SCHIP1: variants seen among roughly 807,000 people sequenced by gnomAD.
The protein encoded by SCHIP1 is schwannomin-interacting protein 1.
SCHIP1 carries 8 observed loss-of-function variants against 29.7 expected under a neutral mutation model. That is an observed-to-expected ratio of 0.27 (90% CI 0.16 to 0.49). The LOEUF is 0.49. Among genes scored for constraint, SCHIP1 ranks in the 20% least tolerant of loss-of-function variants. The probability of loss-of-function intolerance (pLI) is 0.99; values close to 1 mark genes in which losing one functional copy is unlikely to be tolerated. For synonymous variants in SCHIP1, 76 were observed against 94.9 expected, an observed-to-expected ratio of 0.80 and a Z score of 1.16; for missense variants, 193 against 294.6, an observed-to-expected ratio of 0.66 and a Z score of 2.52.
the SCHIP1 span, among the ~76,000 whole-genome samples, chr3:159,289,855 G>A: frequency 6.6e-6 from 1 of 152,190 alleles, no homozygotes; most frequent in African/African-American, 2.4e-5. Flanking sequence ...ACATTTCAAC[G>A]TTCTTACAAG....
chr3:159,524,798 C>T, the SCHIP1 span, among the ~76,000 whole-genome samples: 1 of 152,214 alleles, frequency 6.6e-6, no homozygotes, highest in Non-Finnish European at 1.5e-5. Flanking sequence ...GCTCAGTAAG[C>T]TCATTAGCCA....
chr3:159,467,026 T>C, the SCHIP1 span, among the ~76,000 whole-genome samples: 4 of 152,144 alleles, frequency 2.6e-5, no homozygotes, highest in Non-Finnish European at 5.9e-5. Context: ...AAATATCACT[T>C]TCCTGTTAAT....
the SCHIP1 span, among the ~76,000 whole-genome samples, chr3:159,681,309 A>G: frequency 6.6e-6 from 1 of 152,044 alleles, no homozygotes; most frequent in Non-Finnish European, 1.5e-5. Flanking sequence ...AAAAAGACTA[A>G]TGAAAAAGAA....
chr3:159,674,407 T>C, the SCHIP1 span, among the ~76,000 whole-genome samples: 7 of 151,988 alleles, frequency 4.6e-5, no homozygotes, highest in African/African-American at 1.2e-4. Flanking sequence ...GGACAGCCCA[T>C]GCAGAGTGCC....
the SCHIP1 span, among the ~76,000 whole-genome samples, chr3:159,395,531 G>A: frequency 5.3e-4 from 80 of 151,562 alleles, 1 homozygote; most frequent in Admixed American, 1.9e-3. Flanking sequence ...CTTTGTTCTC[G>A]TTGGTTTCAA....
the SCHIP1 span, among the ~76,000 whole-genome samples, chr3:159,639,994 A>G: frequency 6.6e-6 from 1 of 152,220 alleles, no homozygotes; most frequent in Non-Finnish European, 1.5e-5. Flanking sequence ...CTTAAAGATT[A>G]TGATTTGTAT....
chr3:159,352,770 CTTT>C, the SCHIP1 span, among the ~76,000 whole-genome samples: 49 of 147,986 alleles, frequency 3.3e-4, no homozygotes, highest in African/African-American at 1.1e-3. Context: ...ATTTTAATAG[CTTT>C]TTTTTTTTTA....
At chr3:159,433,748 T>C in the SCHIP1 span, among the ~76,000 whole-genome samples, 3 of 152,166 alleles carry the variant, frequency 2.0e-5, no homozygotes, top group Admixed American at 6.6e-5. Flanking sequence ...AGATAATATA[T>C]GTAAGTCACA....
chr3:159,851,027 A>G (rs750100313), intron 1 of SCHIP1, among the ~76,000 whole-genome samples: 8 of 152,202 alleles, frequency 5.3e-5, no homozygotes, highest in Non-Finnish European at 1.0e-4. Flanking sequence ...TAATCTCAGT[A>G]CTTTTGGAGG....
the SCHIP1 span, among the ~76,000 whole-genome samples, chr3:159,659,946 T>C: frequency 6.6e-6 from 1 of 152,018 alleles, no homozygotes; most frequent in Non-Finnish European, 1.5e-5. Context: ...CTCCTTGCAT[T>C]TGGAGGGTTA....
the SCHIP1 span, among the ~76,000 whole-genome samples, chr3:159,595,536 C>A: frequency 6.6e-6 from 1 of 152,102 alleles, no homozygotes; most frequent in Non-Finnish European, 1.5e-5. Context: ...GCCATGCAAA[C>A]CTTGATCCCA....
At chr3:159,758,776 G>C in the SCHIP1 span, among the ~76,000 whole-genome samples, 1 of 152,178 alleles carries the variant, frequency 6.6e-6, no homozygotes, top group Non-Finnish European at 1.5e-5. Context: ...CTGTTGTATA[G>C]TTCACAATCC....
At chr3:159,742,186 A>G in the SCHIP1 span, among the ~76,000 whole-genome samples, 2 of 152,180 alleles carry the variant, frequency 1.3e-5, no homozygotes, top group African/African-American at 2.4e-5. Flanking sequence ...AGATTGTGCC[A>G]CTGCACTCCA....
At chr3:159,631,833 A>G in the SCHIP1 span, among the ~76,000 whole-genome samples, 2 of 152,196 alleles carry the variant, frequency 1.3e-5, no homozygotes, top group Non-Finnish European at 2.9e-5. Context: ...ATATTTTACC[A>G]CAAAAAAATT....
chr3:159,763,798 C>T, the SCHIP1 span: 10 of 152,250 alleles, frequency 6.6e-5, no homozygotes, highest in Non-Finnish European at 1.2e-4. Context: ...GAGCGCCCCC[C>T]ACCCCGAGCC....
At chr3:159,810,657 G>C in the SCHIP1 span, among the ~76,000 whole-genome samples, 1 of 152,158 alleles carries the variant, frequency 6.6e-6, no homozygotes, top group Non-Finnish European at 1.5e-5. Flanking sequence ...CCTTCTTGTT[G>C]CTGAATAATA....
At chr3:159,392,775 G>A in the SCHIP1 span, among the ~76,000 whole-genome samples, 39 of 152,156 alleles carry the variant, frequency 2.6e-4, 1 homozygote, top group Admixed American at 1.2e-3. Flanking sequence ...ATAAACATAC[G>A]TGTGCATGTG....
chr3:159,575,249 C>T, the SCHIP1 span, among the ~76,000 whole-genome samples: 2 of 152,172 alleles, frequency 1.3e-5, no homozygotes, highest in Non-Finnish European at 2.9e-5. Context: ...TGTCTTTTAA[C>T]TAGCAAGTTT....
At chr3:159,886,545 T>A in intron 3 of SCHIP1, 1 of 433,948 alleles carries the variant, frequency 2.3e-6, no homozygotes, top group Non-Finnish European at 4.1e-6. Context: ...ATTTTCATAT[T>A]AAACCATTAG....
Sources: gnomAD v4.1 joint callset for allele counts (sites outside exome capture counted in the v4.1 genomes callset) on GRCh38, gnomAD v4.1.1 for gene constraint, MANE v1.5 for transcripts, NCBI Gene and HGNC (gene_info 2026-07-23, HGNC 2026-07-21) for gene names.